The following UBXN7 variants were observed in gnomAD, a reference collection of about 807,000 sequenced individuals.
UBXN7 encodes the protein UBX domain-containing protein 7.
UBXN7 carries 9 observed loss-of-function variants against 58.0 expected under a neutral mutation model. That is an observed-to-expected ratio of 0.16 (90% CI 0.09 to 0.27). UBXN7 has a LOEUF of 0.27. Among genes scored for constraint, UBXN7 ranks in the 10% least tolerant of loss-of-function variants. UBXN7 has a pLI of 1.00. For missense variants in UBXN7, 328 were observed against 599.6 expected (o/e 0.55, Z 4.73); for synonymous variants, 208 against 205.0 (o/e 1.01, Z -0.12).
intron 6 of UBXN7, among the ~76,000 whole-genome samples, chr3:196,370,749 G>A (rs181370016): frequency 3.3e-5 from 5 of 151,426 alleles, no homozygotes; most frequent in Admixed American, 2.0e-4. Context: ...GAGCCGGCAC[G>A]GTGATTCATG....
At chr3:196,432,010 T>G in intron 1 of UBXN7, 2 of 521,018 alleles carry the variant, frequency 3.8e-6, no homozygotes, top group Non-Finnish European at 7.0e-6. Flanking sequence ...GGCCCCCTAC[T>G]CCTCCCGCCC....
chr3:196,372,303 T>TCC (rs1317374766), intron 5 of UBXN7, among the ~76,000 whole-genome samples: 1 of 137,270 alleles, frequency 7.3e-6, no homozygotes, highest in Non-Finnish European at 1.5e-5. Flanking sequence ...TAGCTGATTC[T>TCC]CTCTCTCTCT....
At chr3:196,427,352 C>G (rs1326658591) in intron 1 of UBXN7, among the ~76,000 whole-genome samples, 1 of 152,232 alleles carries the variant, frequency 6.6e-6, no homozygotes, top group Non-Finnish European at 1.5e-5. Context: ...GAGTCTCGCT[C>G]TGTCGCCCAG....
chr3:196,385,654 C>T (rs1435195505), intron 5 of UBXN7, among the ~76,000 whole-genome samples: 4 of 151,972 alleles, frequency 2.6e-5, no homozygotes, highest in South Asian at 2.1e-4. Context: ...TCTGACCGGC[C>T]GCCCCCTCTG....
At position 196,362,514 on chromosome 3, in the gene UBXN7, A is replaced by C; in HGVS notation, c.1008T>G (p.Asp336Glu). The change falls in exon 9 of 11, where the codon GAT becomes GAG. Residue 336 changes from aspartate (D) to glutamate (E), a missense_variant. Coordinates refer to ENST00000296328, the MANE Select transcript of UBXN7 (RefSeq NM_015562.2). ...CAAGATTCTCTACCTCTTCTTCTTCATCAGAGCCACAAACGGATATGAACT... is the reference window on the plus strand; with the variant it reads ...CAAGATTCTCTACCTCTTCTTCTTCCTCAGAGCCACAAACGGATATGAACT... ...SEEFISVCGSDEEEEVENLAK... is the reference protein window; with the variant it reads ...SEEFISVCGSEEEEEVENLAK... 2 of 1,614,178 alleles carry C rather than the reference A, an allele frequency of 1.2e-6. No individual in the cohort carries two copies. The highest frequency in any genetic ancestry group is 2.2e-5 in the South Asian group (2 of 91,082).
At chr3:196,409,152 C>T (rs1223479657) in intron 1 of UBXN7, among the ~76,000 whole-genome samples, 1 of 152,128 alleles carries the variant, frequency 6.6e-6, no homozygotes, top group Non-Finnish European at 1.5e-5. Flanking sequence ...CCAGTTCACA[C>T]ATTCTCCCTT....
At chr3:196,391,999 A>C (rs2108845766) in intron 4 of UBXN7, 74 bp from the exon 5 acceptor site, 3 of 729,786 alleles carry the variant, frequency 4.1e-6, no homozygotes, top group Non-Finnish European at 6.1e-6. Context: ...AAAAAAAAAC[A>C]CAAACTTCTG....
chr3:196,421,248 T>C (rs1464973395), intron 1 of UBXN7, among the ~76,000 whole-genome samples: 1 of 152,122 alleles, frequency 6.6e-6, no homozygotes, highest in East Asian at 1.9e-4. Flanking sequence ...GTGCTAATGG[T>C]GGGAAATGCA....
chr3:196,412,230 CAAA>C (rs55746914), intron 1 of UBXN7, among the ~76,000 whole-genome samples: 4 of 89,084 alleles, frequency 4.5e-5, no homozygotes, highest in Admixed American at 2.8e-4. Flanking sequence ...GACTTTGTCT[CAAA>C]AAAAAAAAAA....
chr3:196,406,361 C>A lies in UBXN7; in HGVS notation c.221+885G>T, dbSNP rs1001537547. Among the ~76,000 whole-genome samples the A allele has an allele frequency of 2.6e-5, 4 of 151,602 alleles. No individual in the cohort carries two copies. The South Asian group carries it at 6.2e-4, about 24-fold the overall frequency. On this transcript the variant is annotated intron_variant, in intron 2 of 10. Coordinates refer to ENST00000296328, the MANE Select transcript of UBXN7 (RefSeq NM_015562.2). ...TTTTTTAAATATTAAGGTTTTCATA[C>A]TGATTTCTGTTAAGAGTTTGAGCTA...
At chr3:196,392,745 G>A (rs1729628088) in intron 4 of UBXN7, among the ~76,000 whole-genome samples, 1 of 152,152 alleles carries the variant, frequency 6.6e-6, no homozygotes, top group Admixed American at 6.6e-5. Context: ...GAAGGTTGCA[G>A]TAAGCTGAGA....
chr3:196,379,821 G>A (rs569843149), intron 5 of UBXN7, among the ~76,000 whole-genome samples: 12 of 152,276 alleles, frequency 7.9e-5, no homozygotes, highest in African/African-American at 2.9e-4. Flanking sequence ...CCTTTGGGTT[G>A]GGGGTTTCCT....
intron 5 of UBXN7, among the ~76,000 whole-genome samples, chr3:196,389,857 A>G (rs1216729923): frequency 6.6e-6 from 1 of 152,218 alleles, no homozygotes; most frequent in Admixed American, 6.5e-5. Flanking sequence ...GTGTAAAAGT[A>G]TATCAAAGGA....
chr3:196,400,694 T>G (rs556897959), intron 3 of UBXN7: 1 of 349,088 alleles, frequency 2.9e-6, no homozygotes, highest in East Asian at 1.1e-4. Flanking sequence ...AAGCAAGGAT[T>G]GTATCACTGC....
chr3:196,429,144 G>A (rs914167602), intron 1 of UBXN7, among the ~76,000 whole-genome samples: 1 of 151,998 alleles, frequency 6.6e-6, no homozygotes, highest in Non-Finnish European at 1.5e-5. Context: ...CAGATAACAC[G>A]GTGAAACCCC....
chr3:196,396,193 G>C (rs1315658966), intron 3 of UBXN7, among the ~76,000 whole-genome samples: 1 of 150,650 alleles, frequency 6.6e-6, no homozygotes, highest in East Asian at 1.9e-4. Context: ...AACTATTTTT[G>C]ATCAAGAGCT....
In UBXN7 at chr3:196,407,389, T is replaced by C. The variant is rs1385180054; in HGVS notation, c.78A>G (p.Ala26=). The C allele has an allele frequency of 1.2e-6, 2 of 1,607,432 alleles. No homozygotes were observed. The highest frequency in any genetic ancestry group is 1.1e-5 in the South Asian group (1 of 90,174). Residue 26 remains alanine, a synonymous_variant, in exon 2 of 11, where the codon GCA becomes GCG. Transcript: ENST00000296328. ...GCATATGTTTTCCTACACTTTCACTTGCACCTGAAACAGTAAAAAGACAGG... is the reference window on the plus strand; with the variant it reads ...GCATATGTTTTCCTACACTTTCACTCGCACCTGAAACAGTAAAAAGACAGG... ...LIQQFTTITG[A]SESVGKHMLE...
intron 10 of UBXN7, among the ~76,000 whole-genome samples, chr3:196,357,429 GGCTAA>G (rs573018967): frequency 8.5e-5 from 13 of 152,292 alleles, no homozygotes; most frequent in Admixed American, 5.2e-4. Flanking sequence ...TTCATTCACA[GGCTAA>G]GCTAAGCTAA....
intron 10 of UBXN7, 94 bp from the exon 11 acceptor site, chr3:196,356,940 AT>A: frequency 7.0e-7 from 1 of 1,427,930 alleles, no homozygotes; most frequent in Non-Finnish European, 9.4e-7. Flanking sequence ...TTTTAATCAT[AT>A]TAGATCAGCT....
Sources: allele counts gnomAD v4.1 joint callset (sites outside exome capture counted in the v4.1 genomes callset), GRCh38; gene constraint gnomAD v4.1.1; transcripts MANE v1.5; gene names NCBI Gene and HGNC (gene_info 2026-07-23, HGNC 2026-07-21).